Variants in PABPC5 observed in about 807,000 individuals in gnomAD.
PABPC5 encodes poly(A) binding protein cytoplasmic 5.
In PABPC5, 6 loss-of-function variants were observed where a neutral mutation model predicts 12.6. The observed-to-expected ratio is 0.48, with a 90% CI of 0.26 to 0.94. The LOEUF is 0.94. Among genes scored for constraint, PABPC5 ranks in the 40% least tolerant of loss-of-function variants. The pLI is 0.14. For missense variants in PABPC5, 244 were observed against 302.8 expected (o/e 0.81, Z 1.44); for synonymous variants, 124 against 118.4 (o/e 1.05, Z -0.31).
In PABPC5 at chrX:91,436,845, A is replaced by G. The variant is rs771717188; in HGVS notation, c.*119A>G. ...TTTTTTTTTGAAGTGAATTCTTTTG[A>G]AAAAAAAATGCAAAACTAGAAAACT... is the stretch of plus-strand genomic sequence containing the variant. On this transcript the variant is annotated 3_prime_UTR_variant, in exon 2 of 2. Transcript: ENST00000312600. The G allele has an allele frequency of 1.9e-4, 118 of 617,051 alleles. No individual in the cohort carries two copies. Among genetic ancestry groups the G allele is most frequent in the South Asian group, 3.9e-4 (9 of 23,100 alleles). The allele number at this position is 617,051 out of a possible 1,213,427, so 50.9% of individuals were successfully genotyped here. A position where few individuals can be genotyped will look rare whatever the true frequency, so the allele number is the denominator to read the frequency against.
Position 91,436,502 on chromosome X carries a change from T to G in PABPC5, c.925T>G (p.Leu309Val). The G allele has an allele frequency of 8.3e-7, 1 of 1,211,987 alleles. No individual in the cohort carries two copies. Among genetic ancestry groups the G allele is most frequent in the East Asian group, 3.0e-5 (1 of 33,828 alleles). ...AGGGGTGCCTATCTATATTAAGAAC[T>G]TGGATGAGACAATCAATGATGAAAA... is the stretch of plus-strand genomic sequence containing the variant. ...PPGVPIYIKNLDETINDEKLK... is the reference protein window; with the variant it reads ...PPGVPIYIKNVDETINDEKLK... Residue 309 changes from leucine to valine, a missense_variant, in exon 2 of 2, where the codon TTG (leucine) becomes GTG (valine). Leu to Val is a conservative substitution (Grantham distance 32, BLOSUM62 1). Coordinates refer to ENST00000312600, the MANE Select transcript of PABPC5 (RefSeq NM_080832.3).
rs144302766 is a variant in PABPC5 at position 91,435,637 on chromosome X, G to T, written c.60G>T (p.Leu20=). Residue 20 remains leucine, a synonymous_variant, in exon 2 of 2, where the codon CTG becomes CTT. Transcript: ENST00000312600. Reference sequence around the variant, plus strand: ...AAAAGAAGTATCTCAAGGCCGCTCTGTACGTGGGTGACTTGGACCCAGATG... The same window carrying T: ...AAAAGAAGTATCTCAAGGCCGCTCTTTACGTGGGTGACTTGGACCCAGATG... ...GKKKKYLKAA[L]YVGDLDPDVT... is the part of the protein sequence containing the mutation. The T allele has an allele frequency of 3.1e-4, 380 of 1,209,386 alleles. No individual in the cohort carries two copies. The African/African-American group carries it at 6.0e-3, about 19-fold the overall frequency.
rs769795767 is a variant in PABPC5 at position 91,437,465 on chromosome X, G to A, written c.*739G>A. 1 of 122,786 alleles carries A rather than the reference G, an allele frequency of 8.1e-6. No homozygotes were observed. Among genetic ancestry groups the A allele is most frequent in the East Asian group, 2.8e-4 (1 of 3,528 alleles). 10.1% of individuals were successfully genotyped at this position (122,786 alleles called of 1,213,427 possible). The stretch of plus-strand genomic sequence containing the variant: ...TTTCCTAAGAGATTTGGTATGTGAG[G>A]ATACTTTCAGTACCACTCCTACCAT... On this transcript the variant is annotated 3_prime_UTR_variant, in exon 2 of 2. Coordinates refer to ENST00000312600, the MANE Select transcript of PABPC5 (RefSeq NM_080832.3).
rs773744978 is a variant in PABPC5, at chrX:91,436,446, G to C, written c.869G>C (p.Arg290Pro). The C allele has an allele frequency of 8.3e-7, 1 of 1,209,951 alleles. No individual in the cohort carries two copies. Among genetic ancestry groups the C allele is most frequent in the Non-Finnish European group, 1.1e-6 (1 of 895,286 alleles). Residue 290 changes from arginine (R) to proline (P), a missense_variant, in exon 2 of 2, where the codon CGG (arginine) becomes CCG (proline). Transcript: ENST00000312600. ...RLAELRRRFE[R>P]LRLKEKSRPP... is the part of the protein sequence containing the mutation. ...GCTGAGTTGAGGCGGAGATTTGAACGGCTGAGGTTAAAAGAAAAAAGTCGG... is the reference window on the plus strand; with the variant it reads ...GCTGAGTTGAGGCGGAGATTTGAACCGCTGAGGTTAAAAGAAAAAAGTCGG...
Position 91,436,659 on chromosome X carries a change from T to A in PABPC5, c.1082T>A (p.Met361Lys). ...GAGGCTACCAAAGCAGTGGATGAGA[T>A]GAATGGCCGCATAGTGGGCTCCAAG... ...FEEATKAVDE[M>K]NGRIVGSKPL... The change falls in exon 2 of 2, where the codon ATG (methionine) becomes AAG (lysine). Residue 361 changes from methionine to lysine, a missense_variant. Met to Lys is a moderately conservative substitution (Grantham distance 95). Around this residue, in one of 3 missense-constraint regions of PABPC5, gnomAD observed 211 missense variants for 261.5 expected, o/e 0.81. Transcript: ENST00000312600. The A allele has an allele frequency of 8.3e-7, 1 of 1,211,130 alleles. No individual in the cohort carries two copies. The highest frequency in any genetic ancestry group is 1.1e-6 in the Non-Finnish European group (1 of 895,510).
At position 91,436,345 on chromosome X, in the gene PABPC5, G is replaced by A. The variant is rs1035573234; in HGVS notation, c.768G>A (p.Val256=). Residue 256 remains valine (V), a synonymous_variant, in exon 2 of 2, where the codon GTG becomes GTA. Transcript: ENST00000312600. ...CACACGAGGCTGCCCAAAAGGCTGT[G>A]CTAGACTTGCATGGAAAGTCCATCG... ...YETHEAAQKA[V]LDLHGKSIDG... 1.7e-6 allele frequency: 2 copies of A among 1,211,824 alleles called. No individual in the cohort carries two copies. The highest frequency in any genetic ancestry group is 2.2e-6 in the Non-Finnish European group (2 of 895,601).
At position 91,435,562 on chromosome X, in the gene PABPC5, C is replaced by T. The variant is rs767598035; in HGVS notation, c.-16C>T. 2 of 1,185,945 alleles carry T rather than the reference C, an allele frequency of 1.7e-6. No homozygotes were observed. The highest frequency in any genetic ancestry group is 1.9e-5 in the South Asian group (1 of 52,995). On this transcript the variant is annotated 5_prime_UTR_variant, in exon 2 of 2. Transcript: ENST00000312600. The stretch of plus-strand genomic sequence containing the variant: ...TTTTTCTCTTCAAAGAGAACCTCCT[C>T]CCAGTGCTCAGAGAGATGGGGAGCG...
Position 91,436,199 on chromosome X carries a change from G to T in PABPC5, c.622G>T (p.Asp208Tyr), listed in dbSNP as rs1177796574. The T allele has an allele frequency of 3.3e-6, 4 of 1,209,822 alleles. No homozygotes were observed. The highest frequency in any genetic ancestry group is 4.5e-6 in the Non-Finnish European group (4 of 895,327). ...CAATGTTTTCGTTAAAAACATTGGA[G>T]ACGACATAGATGACGAAAAACTGAA... ...FTNVFVKNIGDDIDDEKLKEL... is the reference protein window; with the variant it reads ...FTNVFVKNIGYDIDDEKLKEL... The change falls in exon 2 of 2, where the codon GAC (aspartate) becomes TAC (tyrosine). Residue 208 changes from aspartate (D) to tyrosine (Y), a missense_variant. Asp to Tyr is a radical substitution (Grantham distance 160, BLOSUM62 -3). This residue lies in a region of PABPC5 where 211 missense variants were observed against 261.5 expected (regional missense o/e 0.81). Transcript: ENST00000312600.
In PABPC5 at chrX:91,435,738, T is replaced by C; in HGVS notation, c.161T>C (p.Val54Ala). 17 of 1,211,504 alleles carry C rather than the reference T, an allele frequency of 1.4e-5. No individual in the cohort carries two copies. Among genetic ancestry groups the C allele is most frequent in the Non-Finnish European group, 1.8e-5 (16 of 895,388 alleles). The change falls in exon 2 of 2, where the codon GTG becomes GCG. Residue 54 changes from valine (V) to alanine (A), a missense_variant. Val to Ala is a moderately conservative substitution (Grantham distance 64). Coordinates refer to ENST00000312600, the MANE Select transcript of PABPC5 (RefSeq NM_080832.3). Reference protein sequence around the residue: ...LRFTRICRDPVTRSPLGYGYV... With the variant: ...LRFTRICRDPATRSPLGYGYV... The stretch of plus-strand genomic sequence containing the variant: ...TTCACCCGAATCTGCCGTGATCCGG[T>C]GACCCGCAGCCCCCTGGGCTATGGG...
chrX:91,435,261 C>T (rs1330309966), intron 1 of PABPC5, among the ~76,000 whole-genome samples, 174 bp from the exon 2 acceptor site: 4 of 111,873 alleles, frequency 3.6e-5, no homozygotes, highest in South Asian at 3.7e-4. Context: ...CACAATTTCA[C>T]GGGGACAGGA....
Position 91,436,853 on chromosome X carries a change from A to T in PABPC5, c.*127A>T. Reference sequence around the variant, plus strand: ...TGAAGTGAATTCTTTTGAAAAAAAAATGCAAAACTAGAAAACTTTATTCAT... The same window carrying T: ...TGAAGTGAATTCTTTTGAAAAAAAATTGCAAAACTAGAAAACTTTATTCAT... On this transcript the variant is annotated 3_prime_UTR_variant, in exon 2 of 2. Coordinates refer to ENST00000312600, the MANE Select transcript of PABPC5 (RefSeq NM_080832.3). 2 of 597,970 alleles carry T rather than the reference A, an allele frequency of 3.3e-6. No individual in the cohort carries two copies. Among genetic ancestry groups the T allele is most frequent in the South Asian group, 8.0e-5 (2 of 25,073 alleles). 49.3% of individuals were successfully genotyped at this position (597,970 alleles called of 1,213,427 possible). A position where few individuals can be genotyped will look rare whatever the true frequency, so the allele number is the denominator to read the frequency against.
rs776909687 is a variant in PABPC5 at position 91,436,624 on chromosome X, C to A, written c.1047C>A (p.Ser349=). The stretch of plus-strand genomic sequence containing the variant: ...AAGGATTTGGTGTGGTCTGCTTTTC[C>A]TCTTTTGAAGAGGCTACCAAAGCAG... The part of the protein sequence containing the change: ...QGKGFGVVCF[S]SFEEATKAVD... Residue 349 remains serine (S), a synonymous_variant, in exon 2 of 2, where the codon TCC becomes TCA. Transcript: ENST00000312600. 8.3e-7 allele frequency: 1 copy of A among 1,209,804 alleles called. No individual in the cohort carries two copies. The highest frequency in any genetic ancestry group is 1.8e-5 in the African/African-American group (1 of 57,132).
In PABPC5 at chrX:91,435,947, T is replaced by C. The variant is rs186462688; in HGVS notation, c.370T>C (p.Tyr124His). 6.5e-5 allele frequency: 79 copies of C among 1,210,110 alleles called. No individual in the cohort carries two copies. Among genetic ancestry groups the C allele is most frequent in the African/African-American group, 8.7e-5 (5 of 57,236 alleles). ...DKSIDNRALF[Y>H]LFSAFGNILS... ...ATCCATAGACAATAGGGCCCTGTTTTACTTATTTTCTGCTTTTGGGAACAT... is the reference window on the plus strand; with the variant it reads ...ATCCATAGACAATAGGGCCCTGTTTCACTTATTTTCTGCTTTTGGGAACAT... Residue 124 changes from tyrosine to histidine, a missense_variant, in exon 2 of 2, where the codon TAC (tyrosine) becomes CAC (histidine). Around this residue, in one of 3 missense-constraint regions of PABPC5, gnomAD observed 211 missense variants for 261.5 expected, o/e 0.81. Coordinates refer to ENST00000312600, the MANE Select transcript of PABPC5 (RefSeq NM_080832.3).
rs745619607 is a variant in PABPC5 at position 91,436,370 on chromosome X, G to T, written c.793G>T (p.Asp265Tyr). 1 of 1,211,670 alleles carries T rather than the reference G, an allele frequency of 8.3e-7. No individual in the cohort carries two copies. Among genetic ancestry groups the T allele is most frequent in the Non-Finnish European group, 1.1e-6 (1 of 895,519 alleles). ...AVLDLHGKSI[D>Y]GKVLYVGRAQ... ...GCTAGACTTGCATGGAAAGTCCATCGATGGAAAAGTCCTCTATGTAGGGCG... is the reference window on the plus strand; with the variant it reads ...GCTAGACTTGCATGGAAAGTCCATCTATGGAAAAGTCCTCTATGTAGGGCG... Residue 265 changes from aspartate (D) to tyrosine (Y), a missense_variant, in exon 2 of 2, where the codon GAT (aspartate) becomes TAT (tyrosine). Physicochemically the swap from Asp to Tyr is radical, Grantham distance 160 (BLOSUM62 -3). Around this residue, in one of 3 missense-constraint regions of PABPC5, gnomAD observed 211 missense variants for 261.5 expected, o/e 0.81. Transcript: ENST00000312600.
At chrX:91,435,343 A>C in intron 1 of PABPC5, 92 bp from the exon 2 acceptor site, 1 of 328,517 alleles carries the variant, frequency 3.0e-6, no homozygotes, top group Non-Finnish European at 5.3e-6. Context: ...AAGTCCCCGC[A>C]GGGAGAATAG....
chrX:91,434,960 G>A (rs938672172), intron 1 of PABPC5, 66 bp downstream of exon 1: 3 of 111,857 alleles, frequency 2.7e-5, no homozygotes, highest in African/African-American at 6.5e-5. Flanking sequence ...GTGTCTGTCT[G>A]TCTGTCTCTG....
Position 91,436,082 on chromosome X carries a change from C to A in PABPC5, c.505C>A (p.Arg169=), listed in dbSNP as rs775582689. The change falls in exon 2 of 2, where the codon CGG becomes AGG. Residue 169 remains arginine, a synonymous_variant. Coordinates refer to ENST00000312600, the MANE Select transcript of PABPC5 (RefSeq NM_080832.3). ...NRAIWHMNGV[R]LNNRQVYVGR... ...AGCCATCTGGCACATGAATGGAGTG[C>A]GGCTCAACAACCGCCAGGTGTATGT... 1 of 1,211,765 alleles carries A rather than the reference C, an allele frequency of 8.3e-7. No homozygotes were observed. Among genetic ancestry groups the A allele is most frequent in the Non-Finnish European group, 1.1e-6 (1 of 895,539 alleles).
intron 1 of PABPC5, chrX:91,435,121 G>A (rs1464163654): frequency 8.5e-6 from 1 of 117,270 alleles, no homozygotes; most frequent in African/African-American, 3.2e-5. Context: ...TACGCGCTCG[G>A]TCCCTGCCCT....
chrX:91,435,659 G>C lies in PABPC5; in HGVS notation c.82G>C (p.Asp28His), dbSNP rs377606774. The C allele has an allele frequency of 1.7e-6, 2 of 1,208,978 alleles. No homozygotes were observed. The highest frequency in any genetic ancestry group is 3.5e-5 in the African/African-American group (2 of 56,993). The change falls in exon 2 of 2, where the codon GAT (aspartate) becomes CAT (histidine). Residue 28 changes from aspartate (D) to histidine (H), a missense_variant. This residue lies in a region of PABPC5 where 4 missense variants were observed against 20.7 expected (regional missense o/e 0.19). Transcript: ENST00000312600. ...TCTGTACGTGGGTGACTTGGACCCA[G>C]ATGTCACCGAGGACATGCTCTATAA... is the stretch of plus-strand genomic sequence containing the variant. ...AALYVGDLDP[D>H]VTEDMLYKKF...
Sources: allele counts gnomAD v4.1 joint callset (sites outside exome capture counted in the v4.1 genomes callset), GRCh38; gene constraint gnomAD v4.1.1; regional missense constraint gnomAD v4.1.1; transcripts MANE v1.5; gene names NCBI Gene and HGNC (gene_info 2026-07-23, HGNC 2026-07-21).